The following BRCA2 variants were observed in gnomAD, a reference collection of about 807,000 sequenced individuals.
BRCA2 encodes BRCA2 DNA repair associated.
In BRCA2, 203 loss-of-function variants were observed where a neutral mutation model predicts 276.7. That is an observed-to-expected ratio of 0.73 (90% CI 0.65 to 0.82). BRCA2 has a LOEUF of 0.82. BRCA2 is among the 40% of genes least tolerant of loss of function. BRCA2 has a pLI of 0.00. For missense variants in BRCA2, 3,920 were observed against 3,915.0 expected, an observed-to-expected ratio of 1.00 and a Z score of -0.03; for synonymous variants, 1,289 against 1,338.4, an observed-to-expected ratio of 0.96 and a Z score of 0.81.
In BRCA2 at chr13:32,379,749, G is replaced by A. The variant is rs1555288435; in HGVS notation, c.8954-1G>A. On this transcript the variant is annotated splice_acceptor_variant, in intron 22 of 26. Coordinates refer to ENST00000380152, the MANE Select transcript of BRCA2 (RefSeq NM_000059.4). LOFTEE classifies it high-confidence loss of function. ...CATCTTTCTCATCTTTCTCCAAACA[G>A]TTATACTGAGTATTTGGCGTCCATC... 4 of 1,609,864 alleles carry A rather than the reference G, an allele frequency of 2.5e-6. No homozygotes were observed. Among genetic ancestry groups the A allele is most frequent in the African/African-American group, 1.3e-5 (1 of 74,880 alleles).
chr13:32,353,991 T>A (rs916213423), intron 13 of BRCA2, among the ~76,000 whole-genome samples: 5 of 152,156 alleles, frequency 3.3e-5, no homozygotes, highest in African/African-American at 1.2e-4. Context: ...ATTTAAGCAA[T>A]GGAAATGACT....
chr13:32,387,556 C>G (rs1361028975), intron 24 of BRCA2, among the ~76,000 whole-genome samples: 1 of 152,194 alleles, frequency 6.6e-6, no homozygotes, highest in Non-Finnish European at 1.5e-5. Context: ...AGGGAACACT[C>G]TGCTCCACCA....
chr13:32,362,808 C>A, intron 17 of BRCA2, 115 bp downstream of exon 17: 2 of 1,089,364 alleles, frequency 1.8e-6, no homozygotes, highest in Non-Finnish European at 2.7e-6. Flanking sequence ...GTGACAGTTG[C>A]CATCCCACAC....
At chr13:32,331,309 C>G (rs1202703117) in intron 9 of BRCA2, among the ~76,000 whole-genome samples, 1 of 152,124 alleles carries the variant, frequency 6.6e-6, no homozygotes, top group Non-Finnish European at 1.5e-5. Flanking sequence ...CTGAACTACT[C>G]TTTTTAATTG....
chr13:32,372,324 T>C (rs1226529041), intron 20 of BRCA2, among the ~76,000 whole-genome samples: 1 of 152,224 alleles, frequency 6.6e-6, no homozygotes, highest in Non-Finnish European at 1.5e-5. Flanking sequence ...AGCAGCTCTG[T>C]ATTAATCTGT....
chr13:32,338,966 A>G lies in BRCA2; in HGVS notation c.4611A>G (p.Glu1537=), dbSNP rs786202313. 6.2e-7 allele frequency: 1 copy of G among 1,613,778 alleles called. No individual in the cohort carries two copies. Among genetic ancestry groups the G allele is most frequent in the East Asian group, 2.2e-5 (1 of 44,874 alleles). Residue 1537 remains glutamate (E), a synonymous_variant, in exon 11 of 27, where the codon GAA becomes GAG. Coordinates refer to ENST00000380152, the MANE Select transcript of BRCA2 (RefSeq NM_000059.4). ...ASGKKVKIAK[E]SLDKVKNLFD... ...GGAAAAAAGTTAAAATTGCAAAGGA[A>G]TCTTTGGACAAAGTGAAAAACCTTT...
At chr13:32,331,535 C>G (rs1455967953) in intron 9 of BRCA2, among the ~76,000 whole-genome samples, 1 of 152,060 alleles carries the variant, frequency 6.6e-6, no homozygotes, top group Admixed American at 6.6e-5. Context: ...TGCACTCCCA[C>G]CTGGGCAACA....
rs587782619 is a variant in BRCA2, at chr13:32,363,501, C to T, written c.8299C>T (p.Pro2767Ser). 1 of 1,613,968 alleles carries T rather than the reference C, an allele frequency of 6.2e-7. No individual in the cohort carries two copies. Among genetic ancestry groups the T allele is most frequent in the Non-Finnish European group, 8.5e-7 (1 of 1,179,914 alleles). Residue 2767 changes from proline (P) to serine (S), a missense_variant, in exon 18 of 27, where the codon CCT becomes TCT. Physicochemically the swap from Pro to Ser is moderately conservative, Grantham distance 74. This residue lies in a region of BRCA2 where 3,263 missense variants were observed against 3,156.9 expected (regional missense o/e 1.03). Transcript: ENST00000380152. ...GGTGGGCTCTCCTGATGCCTGTACA[C>T]CTCTTGAAGCCCCAGAATCTCTTAT... is the stretch of plus-strand genomic sequence containing the variant. The part of the protein sequence containing the change: ...ELVGSPDACT[P>S]LEAPESLMLK...
intron 20 of BRCA2, among the ~76,000 whole-genome samples, chr13:32,372,992 G>GA (rs2072844719): frequency 7.0e-6 from 1 of 142,968 alleles, no homozygotes; most frequent in South Asian, 2.2e-4. Context: ...GGCAATCAAT[G>GA]AATCTTTTTT....
Position 32,394,671 on chromosome 13 carries a change from CT to C in BRCA2, c.9257-10del, listed in dbSNP as rs276174919. On this transcript the variant is annotated splice_polypyrimidine_tract_variant and intron_variant, in intron 24 of 26. Transcript: ENST00000380152. ...AACACATCTATAATAACATTCTTTT[CT>C]TTTTTTTCCATTCTAGGACTTGCCC... 1.7e-5 allele frequency: 28 copies of C among 1,607,480 alleles called. No homozygotes were observed. The highest frequency in any genetic ancestry group is 2.2e-5 in the South Asian group (2 of 90,342).
rs2137446416 is a variant in BRCA2 at position 32,325,121 on chromosome 13, A to T, written c.362A>T (p.Lys121Ile). 6.2e-7 allele frequency: 1 copy of T among 1,610,166 alleles called. No individual in the cohort carries two copies. Among genetic ancestry groups the T allele is most frequent in the Non-Finnish European group, 8.5e-7 (1 of 1,176,518 alleles). The stretch of plus-strand genomic sequence containing the variant: ...AGACATAAAAGTCTTCGCACAGTGA[A>T]AACTAAAATGGATCAAGCAGATGAT... The part of the protein sequence containing the change: ...NSRHKSLRTV[K>I]TKMDQADDVS... Residue 121 changes from lysine to isoleucine, a missense_variant, in exon 4 of 27, where the codon AAA becomes ATA. Around this residue, in one of 2 missense-constraint regions of BRCA2, gnomAD observed 3,263 missense variants for 3,156.9 expected, o/e 1.03. Transcript: ENST00000380152.
rs375090804 is a variant in BRCA2 at position 32,353,474 on chromosome 13, C to CA, written c.7008-1387_7008-1386insA. Among the ~76,000 whole-genome samples the CA allele has an allele frequency of 1.1e-5, 1 of 91,304 alleles. No homozygotes were observed. Among genetic ancestry groups the CA allele is most frequent in the Non-Finnish European group, 2.4e-5 (1 of 41,912 alleles). 59.9% of individuals were successfully genotyped at this position (91,304 alleles called of 152,430 possible). On this transcript the variant is annotated intron_variant, in intron 13 of 26. Transcript: ENST00000380152. Reference sequence around the variant, plus strand: ...GCCATCTCAGAGTAGAGACTAAAAGCCCTTGTCATGGTGTACAGATTCTTC... The same window carrying CA: ...GCCATCTCAGAGTAGAGACTAAAAGCACCTTGTCATGGTGTACAGATTCTTC...
At chr13:32,344,166 G>C (rs1181747957) in intron 11 of BRCA2, among the ~76,000 whole-genome samples, 1 of 137,510 alleles carries the variant, frequency 7.3e-6, no homozygotes, top group Admixed American at 7.2e-5. Context: ...CCCCCGTGCT[G>C]AAAAAAAAAA....
rs746070652 is a variant in BRCA2 at position 32,340,908 on chromosome 13, G to C, written c.6553G>C (p.Ala2185Pro). The change falls in exon 11 of 27, where the codon GCT becomes CCT. Residue 2185 changes from alanine to proline, a missense_variant. By Grantham distance (27) the Ala-to-Pro change is conservative. This residue lies in a region of BRCA2 where 3,263 missense variants were observed against 3,156.9 expected (regional missense o/e 1.03). Transcript: ENST00000380152. ...CATTCATGTTTTGGGAAAAGAACAG[G>C]CTTCACCTAAAAACGTAAAAATGGA... ...ENIHVLGKEQ[A>P]SPKNVKMEIG... 6.2e-7 allele frequency: 1 copy of C among 1,609,924 alleles called. No homozygotes were observed. Among genetic ancestry groups the C allele is most frequent in the Admixed American group, 1.7e-5 (1 of 59,108 alleles).
rs1205624822 is a variant in BRCA2 at position 32,376,176 on chromosome 13, T to A, written c.8633-494T>A. Among the ~76,000 whole-genome samples, 3 of 151,338 alleles carry A rather than the reference T, an allele frequency of 2.0e-5. No homozygotes were observed. The East Asian group carries it at 5.8e-4, about 29-fold the overall frequency. ...CACATATTACTGTAATTAAACTCTG[T>A]ATGACTTTTTTTTTTTTTAAACATG... On this transcript the variant is annotated intron_variant, in intron 20 of 26. Transcript: ENST00000380152.
At chr13:32,334,572 G>A (rs1475841074) in intron 10 of BRCA2, among the ~76,000 whole-genome samples, 2 of 151,646 alleles carry the variant, frequency 1.3e-5, no homozygotes, top group Admixed American at 6.6e-5. Context: ...TACTCAGGAT[G>A]CTCAGACAGG....
Position 32,374,398 on chromosome 13 carries a change from G to C in BRCA2, c.8633-2272G>C, listed in dbSNP as rs567831286. On this transcript the variant is annotated intron_variant, in intron 20 of 26. Transcript: ENST00000380152. ...CAGATTTTCCAAACTTGCATGCTCT[G>C]CTTCCCTTTTAAATATAGGTTCCAA... Among the ~76,000 whole-genome samples the C allele has an allele frequency of 2.0e-5, 3 of 152,310 alleles. No homozygotes were observed. In the East Asian group the frequency reaches 5.8e-4, roughly 29 times the overall value.
chr13:32,329,723 A>G (rs150138796), intron 8 of BRCA2, among the ~76,000 whole-genome samples: 89 of 152,188 alleles, frequency 5.8e-4, no homozygotes, highest in Non-Finnish European at 1.1e-3. Flanking sequence ...TTCATGGGGT[A>G]TACATTCCAA....
rs748757085 is a variant in BRCA2, at chr13:32,336,581, A to C, written c.2226A>C (p.Gln742His). ...EVLAAACHPV[Q>H]HSKVEYSDTD... ...TGGCTGCAGCATGTCACCCAGTACA[A>C]CATTCAAAAGTGGAATACAGTGATA... Residue 742 changes from glutamine to histidine, a missense_variant, in exon 11 of 27, where the codon CAA becomes CAC. Around this residue, in one of 2 missense-constraint regions of BRCA2, gnomAD observed 3,263 missense variants for 3,156.9 expected, o/e 1.03. Coordinates refer to ENST00000380152, the MANE Select transcript of BRCA2 (RefSeq NM_000059.4). 6.2e-7 allele frequency: 1 copy of C among 1,614,118 alleles called. No homozygotes were observed. Among genetic ancestry groups the C allele is most frequent in the Non-Finnish European group, 8.5e-7 (1 of 1,179,994 alleles).
Sources: gnomAD v4.1 joint callset for allele counts (sites outside exome capture counted in the v4.1 genomes callset) on GRCh38, gnomAD v4.1.1 for gene constraint, gnomAD v4.1.1 regional missense constraint, MANE v1.5 for transcripts, NCBI Gene and HGNC (gene_info 2026-07-23, HGNC 2026-07-21) for gene names.